EIF3A: variants seen among roughly 807,000 people sequenced by gnomAD.
The protein encoded by EIF3A is EIF3, p180 subunit.
In EIF3A, 21 loss-of-function variants were observed where a neutral mutation model predicts 186.6. The observed-to-expected ratio is 0.11, with a 90% CI of 0.08 to 0.16. The LOEUF (loss-of-function observed/expected upper bound fraction) is 0.16, where lower values mean the gene tolerates loss of function less well. EIF3A is among the 10% of genes least tolerant of loss of function. The probability of loss-of-function intolerance (pLI) is 1.00; values close to 1 mark genes in which losing one functional copy is unlikely to be tolerated. For missense variants in EIF3A, 1,306 were observed against 1,796.3 expected (o/e 0.73, Z 4.93); for synonymous variants, 563 against 584.3 (o/e 0.96, Z 0.52).
chr10:119,036,385 A>ATTT, intron 21 of EIF3A, 117 bp from the exon 22 acceptor site: 1 of 637,468 alleles, frequency 1.6e-6, no homozygotes, highest in Non-Finnish European at 2.7e-6. Context: ...TAAATACAGA[A>ATTT]ATTCTGTTAA....
rs183876322 is a variant in EIF3A at position 119,052,501 on chromosome 10, A to G, written c.2197-1180T>C. On this transcript the variant is annotated intron_variant, in intron 14 of 21. Coordinates refer to ENST00000369144, the MANE Select transcript of EIF3A (RefSeq NM_003750.4). ...TCCTCCCACCTCAGTCAGCCTCCCA[A>G]GTAGCTGGAACTGCAGGCACACTCC... Among the ~76,000 whole-genome samples the G allele has an allele frequency of 8.4e-4, 127 of 151,678 alleles. 1 individual carries two copies. The highest frequency in any genetic ancestry group is 3.9e-4 in the East Asian group (2 of 5,148).
intron 1 of EIF3A, among the ~76,000 whole-genome samples, chr10:119,078,542 C>T (rs1344640681): frequency 1.3e-5 from 2 of 152,024 alleles, no homozygotes; most frequent in Non-Finnish European, 2.9e-5. Flanking sequence ...GGAAGCAGTG[C>T]CCTGGACCAT....
rs201057585 is a variant in EIF3A, at chr10:119,037,065, C to T, written c.3919+54G>A. On this transcript the variant is annotated intron_variant, in intron 21 of 21. Transcript: ENST00000369144. Reference sequence around the variant, plus strand: ...ATATAATTAAATAACCCAAATCCCCCCCCCCCCAGAAACGACAGTTCTCCA... The same window carrying T: ...ATATAATTAAATAACCCAAATCCCCTCCCCCCCAGAAACGACAGTTCTCCA... 6 of 717,168 alleles carry T rather than the reference C, an allele frequency of 8.4e-6. 1 individual carries two copies. Among genetic ancestry groups the T allele is most frequent in the East Asian group, 9.8e-5 (2 of 20,502 alleles). The allele number at this position is 717,168 out of a possible 1,614,324, so 44.4% of individuals were successfully genotyped here. A position where few individuals can be genotyped will look rare whatever the true frequency, so the allele number is the denominator to read the frequency against.
intron 17 of EIF3A, among the ~76,000 whole-genome samples, chr10:119,045,738 ATT>A (rs1323352254): frequency 6.6e-6 from 1 of 152,104 alleles, no homozygotes; most frequent in Non-Finnish European, 1.5e-5. Flanking sequence ...TCATTTTTGT[ATT>A]TTTTGTGGAG....
At chr10:119,080,553 G>A (rs1844248526) in intron 1 of EIF3A, 75 bp downstream of exon 1, 2 of 1,505,740 alleles carry the variant, frequency 1.3e-6, no homozygotes, top group Non-Finnish European at 1.8e-6. Context: ...GCGGAGCAGT[G>A]GGAAGCAGGC....
Position 119,049,798 on chromosome 10 carries a change from C to A in EIF3A, c.2658+3G>T, listed in dbSNP as rs1290767163. On this transcript the variant is annotated splice_donor_region_variant and intron_variant, in intron 17 of 21. Coordinates refer to ENST00000369144, the MANE Select transcript of EIF3A (RefSeq NM_003750.4). ...AAATAAAATCAATAAACCCTATACTCACCTTTCTAGAAAGGGAACTATCGC... is the reference window on the plus strand; with the variant it reads ...AAATAAAATCAATAAACCCTATACTAACCTTTCTAGAAAGGGAACTATCGC... 6.2e-7 allele frequency: 1 copy of A among 1,611,580 alleles called. No individual in the cohort carries two copies. The highest frequency in any genetic ancestry group is 8.5e-7 in the Non-Finnish European group (1 of 1,177,980).
At chr10:119,056,705 A>G in intron 14 of EIF3A, 35 bp downstream of exon 14, 1 of 1,344,798 alleles carries the variant, frequency 7.4e-7, no homozygotes, top group Non-Finnish European at 1.1e-6. Flanking sequence ...ATTTTATTAC[A>G]ATCTAAAAAT....
Position 119,068,465 on chromosome 10 carries a change from AG to A in EIF3A, c.950+980del, listed in dbSNP as rs545387082. Reference sequence around the variant, plus strand: ...CGAACCAGGAGGATCATCTGAGGACAGGAGTTCGAGGACAGCCTGGCCAACA... The same window carrying A: ...CGAACCAGGAGGATCATCTGAGGACAGAGTTCGAGGACAGCCTGGCCAACA... On this transcript the variant is annotated intron_variant, in intron 6 of 21. Transcript: ENST00000369144. 6.0e-5 allele frequency among the ~76,000 whole-genome samples: 9 copies of A among 150,398 alleles called. No homozygotes were observed. The South Asian group carries it at 1.9e-3, about 32-fold the overall frequency.
At chr10:119,077,399 C>T (rs1423402040) in intron 1 of EIF3A, among the ~76,000 whole-genome samples, 3 of 151,844 alleles carry the variant, frequency 2.0e-5, no homozygotes, top group Admixed American at 6.6e-5. Context: ...TGCAGTGGGC[C>T]GAGATAGTGC....
At chr10:119,080,041 C>A (rs913674426) in intron 1 of EIF3A, among the ~76,000 whole-genome samples, 1 of 152,208 alleles carries the variant, frequency 6.6e-6, no homozygotes, top group Non-Finnish European at 1.5e-5. Context: ...GTCAGAGGCC[C>A]CTAAGTGGAT....
rs761963666 is a variant in EIF3A, at chr10:119,073,906, A to G, written c.81T>C (p.Ala27=). The G allele has an allele frequency of 2.5e-6, 4 of 1,598,318 alleles. No homozygotes were observed. In the South Asian group the frequency reaches 3.4e-5, roughly 14 times the overall value. ...TCATAACATCATAAAGAACATCCAG[A>G]GCAGGCTGCTTTTTGCCAACCTCAA... The part of the protein sequence containing the change: ...EFLEVGKKQP[A]LDVLYDVMKS... The change falls in exon 2 of 22, where the codon GCT becomes GCC. Residue 27 remains alanine (A), a synonymous_variant. Coordinates refer to ENST00000369144, the MANE Select transcript of EIF3A (RefSeq NM_003750.4).
intron 1 of EIF3A, among the ~76,000 whole-genome samples, chr10:119,074,307 A>G (rs1844122081): frequency 1.3e-5 from 2 of 152,062 alleles, no homozygotes; most frequent in African/African-American, 4.8e-5. Context: ...CCTACCAAAA[A>G]TACAAAAATT....
chr10:119,070,682 T>A (rs1295230991), intron 5 of EIF3A, among the ~76,000 whole-genome samples: 1 of 152,230 alleles, frequency 6.6e-6, no homozygotes, highest in African/African-American at 2.4e-5. Flanking sequence ...TTATATGGTT[T>A]GGTCCAGAAT....
intron 14 of EIF3A, among the ~76,000 whole-genome samples, chr10:119,053,960 G>T (rs540950218): frequency 2.0e-5 from 3 of 152,254 alleles, no homozygotes; most frequent in Non-Finnish European, 2.9e-5. Flanking sequence ...TCCCATGGTT[G>T]CCCAGGGTGG....
chr10:119,058,347 T>G (rs1205326999), intron 11 of EIF3A, 44 bp from the exon 12 acceptor site: 1 of 1,356,442 alleles, frequency 7.4e-7, no homozygotes, highest in Admixed American at 2.3e-5. Context: ...AAATTAACAT[T>G]CTCTGGTATT....
chr10:119,050,480 C>T (rs931548393), intron 16 of EIF3A, 41 bp downstream of exon 16: 4 of 1,588,740 alleles, frequency 2.5e-6, no homozygotes, highest in Non-Finnish European at 3.4e-6. Context: ...TTAACACCAA[C>T]CTTGCATTAG....
Position 119,037,066 on chromosome 10 carries a change from C to A in EIF3A, c.3919+53G>T, listed in dbSNP as rs1057268272. ...TATAATTAAATAACCCAAATCCCCC[C>A]CCCCCCAGAAACGACAGTTCTCCAA... On this transcript the variant is annotated intron_variant, in intron 21 of 21. Coordinates refer to ENST00000369144, the MANE Select transcript of EIF3A (RefSeq NM_003750.4). 5.9e-5 allele frequency: 45 copies of A among 766,914 alleles called. No homozygotes were observed. In the South Asian group the frequency reaches 8.6e-4, roughly 15 times the overall value. 47.5% of individuals were successfully genotyped at this position (766,914 alleles called of 1,614,324 possible).
At chr10:119,037,055 C>T in intron 21 of EIF3A, 64 bp downstream of exon 21, 2 of 968,744 alleles carry the variant, frequency 2.1e-6, no homozygotes, top group South Asian at 1.6e-5. Context: ...ATTAAATAAC[C>T]CAAATCCCCC....
rs370678492 is a variant in EIF3A at position 119,080,699 on chromosome 10, C to G, written c.-23G>C. On this transcript the variant is annotated 5_prime_UTR_variant, in exon 1 of 22. Transcript: ENST00000369144. ...CATCTTGGCGGCAGGCTCAGCTCAC[C>G]CGGCGTCAGCGAACTCTCTAGTGGC... The G allele has an allele frequency of 6.3e-7, 1 of 1,582,884 alleles. No homozygotes were observed. The highest frequency in any genetic ancestry group is 1.8e-5 in the Admixed American group (1 of 55,494).
Sources: gnomAD v4.1 joint callset for allele counts (sites outside exome capture counted in the v4.1 genomes callset) on GRCh38, gnomAD v4.1.1 for gene constraint, MANE v1.5 for transcripts, NCBI Gene and HGNC (gene_info 2026-07-23, HGNC 2026-07-21) for gene names.